Variants in CADPS2 observed in about 807,000 individuals in gnomAD.
The protein encoded by CADPS2 is calcium dependent secretion activator 2.
In CADPS2, 93 loss-of-function variants were observed where a neutral mutation model predicts 172.5. The ratio of observed to expected loss-of-function variants is 0.54; its 90% CI spans 0.46 to 0.64. The LOEUF is 0.64. Among genes scored for constraint, CADPS2 ranks in the 30% least tolerant of loss-of-function variants. The pLI is 0.00. For missense variants in CADPS2, 1,420 were observed against 1,565.9 expected, an observed-to-expected ratio of 0.91 and a Z score of 1.57; for synonymous variants, 546 against 555.2, an observed-to-expected ratio of 0.98 and a Z score of 0.23.
At chr7:122,449,488 T>C (rs530358981) in intron 15 of CADPS2, among the ~76,000 whole-genome samples, 1 of 152,126 alleles carries the variant, frequency 6.6e-6, no homozygotes, top group Non-Finnish European at 1.5e-5. Context: ...GATAATTTTT[T>C]AGTTTTTCTT....
intron 1 of CADPS2, among the ~76,000 whole-genome samples, chr7:122,762,731 T>A (rs1400962415): frequency 6.6e-6 from 1 of 152,112 alleles, no homozygotes; most frequent in Non-Finnish European, 1.5e-5. Context: ...ACAGAAGAGA[T>A]CTTAGGATGA....
At chr7:122,670,677 T>C (rs1402614486) in intron 2 of CADPS2, among the ~76,000 whole-genome samples, 1 of 151,798 alleles carries the variant, frequency 6.6e-6, no homozygotes, top group Non-Finnish European at 1.5e-5. Flanking sequence ...TTTTTTGTAT[T>C]TTTAGTAGAG....
intron 7 of CADPS2, among the ~76,000 whole-genome samples, chr7:122,576,052 T>C (rs958987978): frequency 1.3e-5 from 2 of 152,172 alleles, no homozygotes; most frequent in Non-Finnish European, 2.9e-5. Flanking sequence ...TGTTCCAAGG[T>C]CCAATCCAGG....
At chr7:122,517,387 G>A (rs949510190) in intron 8 of CADPS2, among the ~76,000 whole-genome samples, 1 of 151,962 alleles carries the variant, frequency 6.6e-6, no homozygotes, top group Non-Finnish European at 1.5e-5. Context: ...TTTTGTGTAG[G>A]CATGTCTTCA....
At position 122,598,127 on chromosome 7, in the gene CADPS2, T is replaced by C. The variant is rs528105482; in HGVS notation, c.1224-16837A>G. 6.6e-5 allele frequency among the ~76,000 whole-genome samples: 10 copies of C among 152,172 alleles called. 1 individual carries two copies. The highest frequency in any genetic ancestry group is 2.4e-4 in the African/African-American group (10 of 41,552). On this transcript the variant is annotated intron_variant, in intron 6 of 29. Transcript: ENST00000449022. ...CTAGCAATTGTTTTGTGAGTCCTTA[T>C]TTCCATAGGCAAAAGTCAGAAGTAA...
intron 17 of CADPS2, among the ~76,000 whole-genome samples, chr7:122,433,038 A>G (rs1396918140): frequency 1.3e-5 from 2 of 152,274 alleles, no homozygotes; most frequent in East Asian, 3.9e-4. Context: ...CAGTGGCACA[A>G]TCATGGCTCA....
chr7:122,507,068 A>G (rs2059663162), intron 9 of CADPS2, among the ~76,000 whole-genome samples: 1 of 152,106 alleles, frequency 6.6e-6, no homozygotes, highest in Admixed American at 6.6e-5. Flanking sequence ...GAGTAAAGAG[A>G]TAACAACAAA....
At chr7:122,464,267 C>T (rs2054852473) in intron 14 of CADPS2, among the ~76,000 whole-genome samples, 1 of 152,116 alleles carries the variant, frequency 6.6e-6, no homozygotes, top group Non-Finnish European at 1.5e-5. Flanking sequence ...TCAATAGCTA[C>T]AGCAGGAACA....
At chr7:122,323,847 A>G (rs951150493) in intron 29 of CADPS2, among the ~76,000 whole-genome samples, 4 of 141,172 alleles carry the variant, frequency 2.8e-5, no homozygotes, top group African/African-American at 7.8e-5. Context: ...GTGTATATAT[A>G]TGCATATTAT....
chr7:122,410,507 C>T (rs1355390784), intron 19 of CADPS2, among the ~76,000 whole-genome samples: 2 of 143,482 alleles, frequency 1.4e-5, no homozygotes, highest in South Asian at 2.2e-4. Flanking sequence ...GAACCCTGAA[C>T]CTAGAAGCAG....
At chr7:122,414,829 T>G (rs983765887) in intron 18 of CADPS2, among the ~76,000 whole-genome samples, 3 of 152,344 alleles carry the variant, frequency 2.0e-5, no homozygotes, top group African/African-American at 7.2e-5. Context: ...CTTAGATTTT[T>G]TAGAACTAGG....
At chr7:122,686,291 G>A (rs1017002191) in intron 2 of CADPS2, among the ~76,000 whole-genome samples, 15 of 152,146 alleles carry the variant, frequency 9.9e-5, no homozygotes, top group Non-Finnish European at 5.9e-5. Flanking sequence ...GGATTTCTTT[G>A]CACAGTCATG....
intron 7 of CADPS2, among the ~76,000 whole-genome samples, chr7:122,576,796 G>A (rs1554636989): frequency 7.1e-6 from 1 of 140,792 alleles, no homozygotes; most frequent in Non-Finnish European, 1.5e-5. Flanking sequence ...TTTTTGAGAT[G>A]GAGTCTTGCT....
At chr7:122,639,913 T>C (rs141677644) in intron 3 of CADPS2, among the ~76,000 whole-genome samples, 42 of 152,290 alleles carry the variant, frequency 2.8e-4, no homozygotes, top group African/African-American at 8.9e-4. Context: ...GTCTCTGATC[T>C]TCCAAGTGTG....
chr7:122,500,932 T>C (rs2059145012), intron 9 of CADPS2, among the ~76,000 whole-genome samples: 1 of 152,120 alleles, frequency 6.6e-6, no homozygotes, highest in Admixed American at 6.6e-5. Flanking sequence ...TTTGGAATTG[T>C]AATGGAACAT....
chr7:122,729,160 C>T (rs1277684906), intron 2 of CADPS2, among the ~76,000 whole-genome samples: 1 of 151,790 alleles, frequency 6.6e-6, no homozygotes, highest in African/African-American at 2.4e-5. Flanking sequence ...ACACAATGAC[C>T]TCCAGTTCAA....
At chr7:122,819,616 C>T (rs1241103489) in intron 1 of CADPS2, among the ~76,000 whole-genome samples, 2 of 144,472 alleles carry the variant, frequency 1.4e-5, no homozygotes, top group East Asian at 4.0e-4. Flanking sequence ...AACTCTGGTG[C>T]CAACTTAGAC....
At position 122,848,437 on chromosome 7, in the gene CADPS2, A is replaced by G. The variant is rs75081084; in HGVS notation, c.339+37562T>C. Among the ~76,000 whole-genome samples the G allele has an allele frequency of 8.0e-4, 122 of 152,326 alleles. 6 individuals carry two copies. In the East Asian group the frequency reaches 0.021, roughly 26 times the overall value. On this transcript the variant is annotated intron_variant, in intron 1 of 29. Transcript: ENST00000449022. ...AGAGCCCATTTATCTACAGGCTACC[A>G]TGGCCAGGTCTAGGCTGAACGTTCT...
At chr7:122,569,063 T>C (rs917175350) in intron 7 of CADPS2, among the ~76,000 whole-genome samples, 1 of 152,076 alleles carries the variant, frequency 6.6e-6, no homozygotes, top group Non-Finnish European at 1.5e-5. Flanking sequence ...AGAAAGTGTA[T>C]CCAATTAGGA....
Sources: gnomAD v4.1 joint callset for allele counts (sites outside exome capture counted in the v4.1 genomes callset) on GRCh38, gnomAD v4.1.1 for gene constraint, MANE v1.5 for transcripts, NCBI Gene and HGNC (gene_info 2026-07-23, HGNC 2026-07-21) for gene names.